The following SLC44A5 variants were observed in gnomAD, a reference collection of about 807,000 sequenced individuals.
SLC44A5 encodes solute carrier family 44 member 5.
SLC44A5 carries 57 observed loss-of-function variants against 101.8 expected under a neutral mutation model. The observed-to-expected ratio is 0.56, with a 90% CI of 0.45 to 0.70. The LOEUF is 0.70. SLC44A5 is among the 30% of genes least tolerant of loss of function. The pLI is 0.00. For missense variants in SLC44A5, 737 were observed against 853.1 expected (o/e 0.86, Z 1.70); for synonymous variants, 281 against 290.9 (o/e 0.97, Z 0.35).
chr1:75,263,265 A>G (rs1168327800), intron 6 of SLC44A5, among the ~76,000 whole-genome samples: 1 of 152,224 alleles, frequency 6.6e-6, no homozygotes, highest in East Asian at 1.9e-4. Flanking sequence ...ATCTACAAAT[A>G]ACTTAAACAA....
chr1:75,327,020 T>G (rs1008134047), intron 4 of SLC44A5, among the ~76,000 whole-genome samples: 4 of 152,088 alleles, frequency 2.6e-5, no homozygotes, highest in African/African-American at 7.2e-5. Context: ...TGGTATGAAC[T>G]TTTTTACTTT....
chr1:75,211,398 A>G, intron 23 of SLC44A5, 70 bp downstream of exon 23: 1 of 1,218,846 alleles, frequency 8.2e-7, no homozygotes, highest in Non-Finnish European at 1.2e-6. Flanking sequence ...CCAGCTAAGG[A>G]CATGGGCCTT....
At chr1:75,476,579 A>C (rs1667418462) in intron 2 of SLC44A5, among the ~76,000 whole-genome samples, 1 of 152,214 alleles carries the variant, frequency 6.6e-6, no homozygotes, top group Non-Finnish European at 1.5e-5. Context: ...GGCTTAAAAA[A>C]CAGTGCACCA....
chr1:75,557,399 A>C (rs777546102), intron 1 of SLC44A5, among the ~76,000 whole-genome samples: 7 of 152,114 alleles, frequency 4.6e-5, no homozygotes, highest in Non-Finnish European at 7.4e-5. Flanking sequence ...GAAAGGAAGG[A>C]GTGAATACAC....
intron 1 of SLC44A5, among the ~76,000 whole-genome samples, chr1:75,573,835 G>A (rs928121480): frequency 4.6e-5 from 7 of 152,114 alleles, no homozygotes; most frequent in Non-Finnish European, 8.8e-5. Context: ...TCCTCCTATG[G>A]GAGTTTTTGT....
At chr1:75,640,722 T>C in the SLC44A5 span, among the ~76,000 whole-genome samples, 2 of 152,114 alleles carry the variant, frequency 1.3e-5, no homozygotes, top group Admixed American at 6.6e-5. Context: ...AAACCAGTTT[T>C]TCATGGATCA....
At chr1:75,219,225 A>C (rs1243057021) in intron 16 of SLC44A5, 32 bp downstream of exon 16, 1 of 1,383,034 alleles carries the variant, frequency 7.2e-7, no homozygotes, top group Non-Finnish European at 1.0e-6. Flanking sequence ...TCTATATTGA[A>C]GTAAGTAAAT....
At chr1:75,543,867 T>A (rs1226430889) in intron 1 of SLC44A5, among the ~76,000 whole-genome samples, 1 of 152,018 alleles carries the variant, frequency 6.6e-6, no homozygotes, top group Non-Finnish European at 1.5e-5. Flanking sequence ...TCTCATGGGA[T>A]CCACACTTCA....
intron 1 of SLC44A5, among the ~76,000 whole-genome samples, chr1:75,548,123 CT>C (rs1366489357): frequency 3.9e-4 from 60 of 152,152 alleles, no homozygotes; most frequent in East Asian, 3.3e-3. Flanking sequence ...TTTCCATGAA[CT>C]TTTTGAAGTC....
chr1:75,482,859 A>C (rs1667951002), intron 2 of SLC44A5, among the ~76,000 whole-genome samples: 1 of 152,200 alleles, frequency 6.6e-6, no homozygotes, highest in Admixed American at 6.5e-5. Context: ...ATTACTTGAT[A>C]AGGTTTTCAG....
intron 5 of SLC44A5, among the ~76,000 whole-genome samples, chr1:75,294,111 T>C (rs1427997533): frequency 3.3e-5 from 5 of 152,218 alleles, no homozygotes; most frequent in African/African-American, 4.8e-5. Context: ...TTGGGAGATA[T>C]GATTTTACTT....
intron 4 of SLC44A5, among the ~76,000 whole-genome samples, chr1:75,332,658 G>A (rs1281428104): frequency 3.9e-5 from 6 of 152,138 alleles, no homozygotes; most frequent in Admixed American, 3.9e-4. Context: ...AAAGAATGAA[G>A]AGCCACTTAT....
rs745593621 is a variant in SLC44A5, at chr1:75,573,127, C to CAAAA, written c.-69-31615_-69-31612dup. 8.4e-4 allele frequency among the ~76,000 whole-genome samples: 14 copies of CAAAA among 16,712 alleles called. 1 individual carries two copies. The highest frequency in any genetic ancestry group is 3.4e-3 in the African/African-American group (14 of 4,070). The allele number at this position is 16,712 out of a possible 152,430, so 11.0% of individuals were successfully genotyped here. A position where few individuals can be genotyped will look rare whatever the true frequency, so the allele number is the denominator to read the frequency against. ...TGAGCGACAGAGCAAGGCTCCATCT[C>CAAAA]AAAAAAAAAAAAAAAAAAAAAAAAA... On this transcript the variant is annotated intron_variant, in intron 1 of 23. Transcript: ENST00000370859.
At chr1:75,668,720 C>T in the SLC44A5 span, among the ~76,000 whole-genome samples, 3 of 151,674 alleles carry the variant, frequency 2.0e-5, no homozygotes, top group Non-Finnish European at 4.4e-5. Context: ...ATTGGCTGGG[C>T]ACAGTGGCTC....
At chr1:75,476,281 A>T (rs11163461) in intron 2 of SLC44A5, among the ~76,000 whole-genome samples, 1 of 152,062 alleles carries the variant, frequency 6.6e-6, no homozygotes, top group African/African-American at 2.4e-5. Flanking sequence ...CCAAGATGGT[A>T]GCATAGGAAC....
In SLC44A5 at chr1:75,586,929, T is replaced by C. The variant is rs191231165; in HGVS notation, c.-70+24111A>G. On this transcript the variant is annotated intron_variant, in intron 1 of 23. Coordinates refer to ENST00000370859, the MANE Select transcript of SLC44A5 (RefSeq NM_001130058.2). The stretch of plus-strand genomic sequence containing the variant: ...GTGATTTTTTTTTTAAGTCTTATGA[T>C]AACTCCATGGGAAACTCTAGACGTA... Among the ~76,000 whole-genome samples the C allele has an allele frequency of 3.3e-5, 5 of 152,052 alleles. No individual in the cohort carries two copies. In the East Asian group the frequency reaches 9.7e-4, roughly 29 times the overall value.
Position 75,607,113 on chromosome 1 carries a change from CAAAT to C in SLC44A5, c.-70+3923_-70+3926del, listed in dbSNP as rs151230948. Reference sequence around the variant, plus strand: ...CTACTTGTCATCTTCACTTGTATATCAAATAAATATTTCAAACCCAAATGTGTCC... The same window carrying C: ...CTACTTGTCATCTTCACTTGTATATCAAATATTTCAAACCCAAATGTGTCC... On this transcript the variant is annotated intron_variant, in intron 1 of 23. Coordinates refer to ENST00000370859, the MANE Select transcript of SLC44A5 (RefSeq NM_001130058.2). Among the ~76,000 whole-genome samples, 5 of 152,106 alleles carry C rather than the reference CAAAT, an allele frequency of 3.3e-5. No individual in the cohort carries two copies. The East Asian group carries it at 9.6e-4, about 29-fold the overall frequency.
intron 1 of SLC44A5, chr1:75,582,640 C>T (rs1370773000): frequency 4.5e-6 from 1 of 220,922 alleles, no homozygotes; most frequent in Non-Finnish European, 8.8e-6. Flanking sequence ...GGGCTGGTGT[C>T]CTCCTGTGCT....
intron 2 of SLC44A5, among the ~76,000 whole-genome samples, chr1:75,537,414 T>C (rs895804951): frequency 3.9e-5 from 6 of 152,208 alleles, no homozygotes; most frequent in African/African-American, 1.4e-4. Context: ...TCTCAAAGTA[T>C]TTTTGCTTAT....
Sources: gnomAD v4.1 joint callset for allele counts (sites outside exome capture counted in the v4.1 genomes callset) on GRCh38, gnomAD v4.1.1 for gene constraint, MANE v1.5 for transcripts, NCBI Gene and HGNC (gene_info 2026-07-23, HGNC 2026-07-21) for gene names.